VANGL1: variants seen among roughly 807,000 people sequenced by gnomAD.
VANGL1 encodes VANGL planar cell polarity protein 1.
In VANGL1, 18 loss-of-function variants were observed where a neutral mutation model predicts 48.4. The ratio of observed to expected loss-of-function variants is 0.37; its 90% confidence interval spans 0.26 to 0.55. VANGL1 has a LOEUF of 0.55. Among genes scored for constraint, VANGL1 ranks in the 20% least tolerant of loss-of-function variants. The probability of loss-of-function intolerance (pLI) is 0.81; values close to 1 mark genes in which losing one functional copy is unlikely to be tolerated. For synonymous variants in VANGL1, 257 were observed against 261.8 expected (o/e 0.98, Z 0.18); for missense variants, 667 against 675.8 (o/e 0.99, Z 0.14).
At chr1:115,669,784 C>T in intron 4 of VANGL1, among the ~76,000 whole-genome samples, 1 of 152,150 alleles carries the variant, frequency 6.6e-6, no homozygotes, top group Non-Finnish European at 1.5e-5. Context: ...TAAAAATGGA[C>T]TAATACAGAT....
chr1:115,666,822 G>C (rs1426985835), intron 4 of VANGL1, among the ~76,000 whole-genome samples: 1 of 152,204 alleles, frequency 6.6e-6, no homozygotes, highest in Non-Finnish European at 1.5e-5. Context: ...GACAAATGGA[G>C]CCCTCAGGGA....
In VANGL1 at chr1:115,651,403, C is replaced by T; in HGVS notation, c.-11C>T. ...ACCTGCTCCTTCCTCAAGCGCAAGC[C>T]CTCCATTGCTATGGATACCGAATCC... On this transcript the variant is annotated 5_prime_UTR_variant, in exon 2 of 8. Coordinates refer to ENST00000355485, the MANE Select transcript of VANGL1 (RefSeq NM_138959.3). 6.2e-7 allele frequency: 1 copy of T among 1,613,668 alleles called. No individual in the cohort carries two copies. The highest frequency in any genetic ancestry group is 8.5e-7 in the Non-Finnish European group (1 of 1,179,750).
chr1:115,681,105 A>T (rs1653368462), intron 4 of VANGL1, among the ~76,000 whole-genome samples: 1 of 152,154 alleles, frequency 6.6e-6, no homozygotes, highest in South Asian at 2.1e-4. Flanking sequence ...ACTGTTGTGC[A>T]GGTCATAGAT....
intron 4 of VANGL1, among the ~76,000 whole-genome samples, chr1:115,673,660 T>C (rs558561061): frequency 4.7e-5 from 7 of 149,346 alleles, no homozygotes; most frequent in Non-Finnish European, 1.0e-4. Flanking sequence ...AGTGCCTTAG[T>C]GCGATCTCAG....
At chr1:115,661,835 C>T (rs1490430342) in intron 3 of VANGL1, among the ~76,000 whole-genome samples, 1 of 152,142 alleles carries the variant, frequency 6.6e-6, no homozygotes, top group Non-Finnish European at 1.5e-5. Flanking sequence ...CCAGGCTGGT[C>T]TCGAACTCCT....
intron 1 of VANGL1, among the ~76,000 whole-genome samples, chr1:115,650,034 A>G (rs1469195129): frequency 1.3e-5 from 2 of 152,190 alleles, no homozygotes; most frequent in Non-Finnish European, 2.9e-5. Context: ...GACTCCCAGG[A>G]AGAATGAATG....
At chr1:115,657,267 G>C (rs569765938) in intron 2 of VANGL1, among the ~76,000 whole-genome samples, 2 of 152,272 alleles carry the variant, frequency 1.3e-5, no homozygotes, top group Non-Finnish European at 2.9e-5. Context: ...TCAAGTATAA[G>C]GGTGTGAGAA....
At chr1:115,666,451 C>T (rs1358870617) in intron 4 of VANGL1, among the ~76,000 whole-genome samples, 1 of 152,314 alleles carries the variant, frequency 6.6e-6, no homozygotes, top group Admixed American at 6.5e-5. Flanking sequence ...CGCCTCCCAC[C>T]ACACAGCTCT....
At chr1:115,658,942 T>TACAC (rs539690975) in intron 2 of VANGL1, among the ~76,000 whole-genome samples, 25 of 150,142 alleles carry the variant, frequency 1.7e-4, no homozygotes, top group African/African-American at 4.6e-4. Flanking sequence ...CCTCCCCATG[T>TACAC]ACACACACAC....
intron 4 of VANGL1, 125 bp from the exon 5 acceptor site, chr1:115,682,239 G>A (rs1401712959): frequency 7.5e-7 from 1 of 1,336,846 alleles, no homozygotes; most frequent in Non-Finnish European, 1.0e-6. Flanking sequence ...GGAACCCAGT[G>A]GACTTCTGTA....
In VANGL1 at chr1:115,664,260, A is replaced by G; in HGVS notation, c.804A>G (p.Gly268=). 6.2e-7 allele frequency: 1 copy of G among 1,613,832 alleles called. No individual in the cohort carries two copies. The highest frequency in any genetic ancestry group is 1.1e-5 in the South Asian group (1 of 91,056). The change falls in exon 4 of 8, where the codon GGA becomes GGG. Residue 268 remains glycine (G), a synonymous_variant. Transcript: ENST00000355485. The stretch of plus-strand genomic sequence containing the variant: ...GCGAGTCCCGCTTCTACAGCCTGGG[A>G]CACCTGAGGTAAGAGGCAACATCCA... ...TDGESRFYSL[G]HLSIQRAALV... is the part of the protein sequence containing the mutation.
intron 4 of VANGL1, among the ~76,000 whole-genome samples, chr1:115,679,312 A>G (rs1320852155): frequency 6.6e-6 from 1 of 152,162 alleles, no homozygotes; most frequent in Admixed American, 6.5e-5. Flanking sequence ...ATTTTTGAGC[A>G]AAGACTCTCA....
At chr1:115,675,462 G>A (rs115512518) in intron 4 of VANGL1, among the ~76,000 whole-genome samples, 2,095 of 152,080 alleles carry the variant, frequency 0.014, 57 homozygotes, top group African/African-American at 0.048. Flanking sequence ...AGATTGCACC[G>A]CTGCACTCCA....
chr1:115,691,687 A>G lies in VANGL1; in HGVS notation c.*308A>G. 3.1e-6 allele frequency: 1 copy of G among 324,740 alleles called. No homozygotes were observed. Among genetic ancestry groups the G allele is most frequent in the Admixed American group, 4.7e-5 (1 of 21,464 alleles). 20.1% of individuals were successfully genotyped at this position (324,740 alleles called of 1,614,324 possible). A position where few individuals can be genotyped will look rare whatever the true frequency, so the allele number is the denominator to read the frequency against. ...GTGCTTCTTGGGAGCCTCGCCTTAC[A>G]ACTAATTCCTGCCTTTCGTCCAGTA... On this transcript the variant is annotated 3_prime_UTR_variant, in exon 8 of 8. Coordinates refer to ENST00000355485, the MANE Select transcript of VANGL1 (RefSeq NM_138959.3).
At chr1:115,659,873 T>G (rs990313011) in intron 3 of VANGL1, 100 bp downstream of exon 3, 1 of 1,522,958 alleles carries the variant, frequency 6.6e-7, no homozygotes, top group Non-Finnish European at 9.1e-7. Context: ...TCTTTATTTT[T>G]CTAGCATGCT....
chr1:115,670,114 C>T (rs1652924049), intron 4 of VANGL1, among the ~76,000 whole-genome samples: 1 of 152,174 alleles, frequency 6.6e-6, no homozygotes, highest in African/African-American at 2.4e-5. Context: ...TCTGTCTCTG[C>T]ACACACCCTT....
rs78368849 is a variant in VANGL1 at position 115,651,376 on chromosome 1, G to A, written c.-38G>A. 623 of 1,597,048 alleles carry A rather than the reference G, an allele frequency of 3.9e-4. 1 individual carries two copies. In the African/African-American group the frequency reaches 7.9e-3, roughly 20 times the overall value. Reference sequence around the variant, plus strand: ...AATTTTCTACCTCTAAGGAGAAACAGTACCTGCTCCTTCCTCAAGCGCAAG... The same window carrying A: ...AATTTTCTACCTCTAAGGAGAAACAATACCTGCTCCTTCCTCAAGCGCAAG... On this transcript the variant is annotated 5_prime_UTR_variant, in exon 2 of 8. Transcript: ENST00000355485.
chr1:115,689,939 G>C lies in VANGL1; in HGVS notation c.1315-1180G>C, dbSNP rs1166030361. ...CCACGGCACTCCAGCCTGGGCAACA[G>C]AGTGAGACTCTATCTCAACAAAACA... On this transcript the variant is annotated intron_variant, in intron 7 of 7. Transcript: ENST00000355485. Among the ~76,000 whole-genome samples, 2 of 138,898 alleles carry C rather than the reference G, an allele frequency of 1.4e-5. 1 individual carries two copies. The highest frequency in any genetic ancestry group is 3.2e-5 in the Non-Finnish European group (2 of 63,378). 91.1% of individuals were successfully genotyped at this position (138,898 alleles called of 152,430 possible). A position where few individuals can be genotyped will look rare whatever the true frequency, so the allele number is the denominator to read the frequency against.
At chr1:115,683,844 G>C in intron 5 of VANGL1, 100 bp from the exon 6 acceptor site, 4 of 1,474,168 alleles carry the variant, frequency 2.7e-6, no homozygotes, top group African/African-American at 2.8e-5. Flanking sequence ...TGTTCCATAG[G>C]GGGTGGGTAG....
Sources: allele counts gnomAD v4.1 joint callset (sites outside exome capture counted in the v4.1 genomes callset), GRCh38; gene constraint gnomAD v4.1.1; transcripts MANE v1.5; gene names NCBI Gene and HGNC (gene_info 2026-07-23, HGNC 2026-07-21).